The following SLC4A4 variants were observed in gnomAD, a reference collection of about 807,000 sequenced individuals.
The protein encoded by SLC4A4 is electrogenic sodium bicarbonate cotransporter 1.
SLC4A4 carries 27 observed loss-of-function variants against 111.5 expected under a neutral mutation model. That is an observed-to-expected ratio of 0.24 (90% CI 0.18 to 0.33). The LOEUF is 0.33. Ranked by LOEUF, SLC4A4 falls within the 10% of genes least tolerant of loss-of-function variation. SLC4A4 has a pLI of 1.00. For synonymous variants in SLC4A4, 443 were observed against 463.4 expected (o/e 0.96, Z 0.57); for missense variants, 909 against 1,315.5 (o/e 0.69, Z 4.78).
chr4:71,547,464 GA>G (rs1184149711), intron 19 of SLC4A4, among the ~76,000 whole-genome samples, 183 bp from the exon 20 acceptor site: 2 of 152,096 alleles, frequency 1.3e-5, no homozygotes, highest in East Asian at 3.9e-4. Context: ...CACTTTAAGA[GA>G]TTTTTTTATA....
At chr4:71,167,834 A>G (rs1744823008) in intron 2 of SLC4A4, among the ~76,000 whole-genome samples, 1 of 152,158 alleles carries the variant, frequency 6.6e-6, no homozygotes, top group Non-Finnish European at 1.5e-5. Flanking sequence ...TTCAACTCTT[A>G]CATCTAATGT....
chr4:71,510,233 A>G (rs527873780), intron 16 of SLC4A4, among the ~76,000 whole-genome samples: 21 of 152,294 alleles, frequency 1.4e-4, no homozygotes, highest in South Asian at 2.1e-4. Flanking sequence ...TCCCAGCAAG[A>G]AGATAGTGTG....
chr4:71,107,149 G>A lies in SLC4A4; in HGVS notation c.-2+14357G>A, dbSNP rs574668496. On this transcript the variant is annotated intron_variant, in intron 2 of 26. Coordinates refer to the SLC4A4 transcript ENST00000649996. ...TTATCTATCTTGTAGATAGCATATAGATAGCATATAGTTAGATCATGTGTT... is the reference window on the plus strand; with the variant it reads ...TTATCTATCTTGTAGATAGCATATAAATAGCATATAGTTAGATCATGTGTT... Among the ~76,000 whole-genome samples the A allele has an allele frequency of 4.4e-4, 66 of 151,544 alleles. 2 individuals are homozygous for A. In the East Asian group the frequency reaches 0.013, roughly 29 times the overall value.
chr4:71,184,196 G>A (rs912779333), upstream of SLC4A4, among the ~76,000 whole-genome samples: 2 of 152,098 alleles, frequency 1.3e-5, no homozygotes, highest in South Asian at 2.1e-4. Flanking sequence ...CTATCTGCAG[G>A]TCACATCGGC....
chr4:71,510,049 G>A (rs965707833), intron 16 of SLC4A4, among the ~76,000 whole-genome samples: 1 of 152,114 alleles, frequency 6.6e-6, no homozygotes, highest in Non-Finnish European at 1.5e-5. Flanking sequence ...CTACTCTGGG[G>A]CAATGCAGCT....
chr4:71,527,358 C>T (rs1312605446), intron 16 of SLC4A4, among the ~76,000 whole-genome samples: 1 of 151,916 alleles, frequency 6.6e-6, no homozygotes, highest in Non-Finnish European at 1.5e-5. Context: ...ATTTGCTGAC[C>T]AATTAGATGT....
At chr4:71,154,029 A>G (rs983068808) in intron 2 of SLC4A4, among the ~76,000 whole-genome samples, 1 of 152,254 alleles carries the variant, frequency 6.6e-6, no homozygotes, top group Middle Eastern at 3.4e-3. Context: ...ATAATTCAAG[A>G]CATATGCGGA....
At chr4:71,073,854 C>T (rs1046892213) in intron 1 of SLC4A4, among the ~76,000 whole-genome samples, 2 of 151,928 alleles carry the variant, frequency 1.3e-5, no homozygotes, top group South Asian at 2.1e-4. Flanking sequence ...AAGGCTGAGG[C>T]GGGTTGACCA....
intron 1 of SLC4A4, among the ~76,000 whole-genome samples, chr4:71,081,204 G>T (rs1401796839): frequency 6.6e-6 from 1 of 151,938 alleles, no homozygotes; most frequent in South Asian, 2.1e-4. Context: ...CATCTTAATG[G>T]CTCTGCATCT....
intron 3 of SLC4A4, among the ~76,000 whole-genome samples, chr4:71,332,287 A>T (rs1330675669): frequency 6.6e-6 from 1 of 151,712 alleles, no homozygotes; most frequent in African/African-American, 2.4e-5. Flanking sequence ...AAGTTTTTCT[A>T]CTTTTTAAAT....
intron 2 of SLC4A4, among the ~76,000 whole-genome samples, chr4:71,109,912 T>A (rs930811898): frequency 3.9e-5 from 6 of 152,204 alleles, no homozygotes; most frequent in African/African-American, 1.4e-4. Flanking sequence ...CCCAAAGTTG[T>A]GTGCAAGGTT....
intron 3 of SLC4A4, among the ~76,000 whole-genome samples, chr4:71,297,505 G>A (rs908898519): frequency 1.0e-5 from 1 of 96,148 alleles, no homozygotes; most frequent in South Asian, 3.7e-4. Flanking sequence ...CACACACACA[G>A]ACAAACACAC....
At chr4:71,244,436 C>T (rs953374676) in intron 2 of SLC4A4, among the ~76,000 whole-genome samples, 2 of 152,160 alleles carry the variant, frequency 1.3e-5, no homozygotes, top group African/African-American at 4.8e-5. Flanking sequence ...TACCTTGATA[C>T]TTCCAGTAAG....
chr4:71,446,183 TA>T (rs57177869), intron 8 of SLC4A4, among the ~76,000 whole-genome samples: 303 of 151,328 alleles, frequency 2.0e-3, no homozygotes, highest in Middle Eastern at 0.01. Flanking sequence ...AATTTTATGA[TA>T]AAAAAAAAGT....
At chr4:71,254,451 G>A (rs557166788) in intron 2 of SLC4A4, among the ~76,000 whole-genome samples, 5 of 151,910 alleles carry the variant, frequency 3.3e-5, no homozygotes, top group Admixed American at 2.6e-4. Flanking sequence ...TGCTGGGCTC[G>A]GTTTATTTTT....
At chr4:71,308,988 T>A (rs1364169608) in intron 3 of SLC4A4, among the ~76,000 whole-genome samples, 1 of 152,158 alleles carries the variant, frequency 6.6e-6, no homozygotes, top group Non-Finnish European at 1.5e-5. Flanking sequence ...GGCTTGAAAT[T>A]CTTGCTGCCA....
At chr4:71,335,517 T>C (rs1336726749) in intron 3 of SLC4A4, among the ~76,000 whole-genome samples, 2 of 152,158 alleles carry the variant, frequency 1.3e-5, no homozygotes, top group African/African-American at 4.8e-5. Context: ...GTAGATTATT[T>C]TCTACCAGGG....
Position 71,444,458 on chromosome 4 carries a change from A to G in SLC4A4, c.966-3188A>G, listed in dbSNP as rs540747450. Among the ~76,000 whole-genome samples, 15 of 152,332 alleles carry G rather than the reference A, an allele frequency of 9.8e-5. No homozygotes were observed. In the South Asian group the frequency reaches 2.7e-3, roughly 27 times the overall value. On this transcript the variant is annotated intron_variant, in intron 8 of 25. Coordinates refer to ENST00000264485, the MANE Select transcript of SLC4A4 (RefSeq NM_001098484.3). ...GAATAAAAAGAACTTAGTAACATAA[A>G]TTAATGCTTTTTTTTTCCAAGCTGT...
intron 3 of SLC4A4, 37 bp downstream of exon 3, chr4:71,255,436 T>C: frequency 6.2e-7 from 1 of 1,604,458 alleles, no homozygotes; most frequent in East Asian, 2.2e-5. Flanking sequence ...TCTCTCTGCC[T>C]CACTCCCACA....
Sources: gnomAD v4.1 joint callset for allele counts (sites outside exome capture counted in the v4.1 genomes callset) on GRCh38, gnomAD v4.1.1 for gene constraint, MANE v1.5 for transcripts, NCBI Gene and HGNC (gene_info 2026-07-23, HGNC 2026-07-21) for gene names.